ATP10B: variants seen among roughly 807,000 people sequenced by gnomAD.
ATP10B encodes ATPase phospholipid transporting 10B (putative).
Under a neutral mutation model 141.2 loss-of-function variants are expected in ATP10B, and 122 were observed. The observed-to-expected ratio is 0.86, with a 90% CI of 0.75 to 1.00. ATP10B has a LOEUF of 1.00. ATP10B is among the 50% of genes least tolerant of loss of function. The pLI, the probability that ATP10B is intolerant of heterozygous loss-of-function variation, is 0.00. For synonymous variants in ATP10B, 685 were observed against 692.0 expected, an observed-to-expected ratio of 0.99 and a Z score of 0.16; for missense variants, 1,876 against 1,825.3, an observed-to-expected ratio of 1.03 and a Z score of -0.51.
chr5:160,758,157 C>A (rs7716002), intron 2 of ATP10B, among the ~76,000 whole-genome samples: 13,972 of 152,082 alleles, frequency 0.092, 1,062 homozygotes, highest in East Asian at 0.32. Flanking sequence ...AGTGAATTTT[C>A]TATTTTTATA....
chr5:160,633,990 G>A, intron 12 of ATP10B: 1 of 375,532 alleles, frequency 2.7e-6, no homozygotes, highest in South Asian at 2.2e-5. Flanking sequence ...CAGGTAAGGT[G>A]GCCTGAGAAA....
rs1041888193 is a variant in ATP10B at position 160,592,551 on chromosome 5, A to G, written c.3565-1412T>C. ...CGGGTTCATCTCACTAGGGAGTGCC[A>G]GACAGTGGGCACAGGACAGTGGGTG... On this transcript the variant is annotated intron_variant, in intron 22 of 25. Transcript: ENST00000327245. 6.6e-5 allele frequency among the ~76,000 whole-genome samples: 10 copies of G among 152,232 alleles called. No homozygotes were observed. The East Asian group carries it at 1.7e-3, about 26-fold the overall frequency.
chr5:160,929,146 C>T, the ATP10B span, among the ~76,000 whole-genome samples: 1 of 152,176 alleles, frequency 6.6e-6, no homozygotes, highest in Admixed American at 6.5e-5. Context: ...AGCATCCCTG[C>T]CCCAGGCTGG....
chr5:160,775,212 C>G (rs534219761), intron 2 of ATP10B, among the ~76,000 whole-genome samples: 1 of 152,344 alleles, frequency 6.6e-6, no homozygotes, highest in African/African-American at 2.4e-5. Context: ...GCAGCCAAGT[C>G]AAACTCTATT....
At chr5:160,790,519 A>G (rs943831681) in intron 1 of ATP10B, among the ~76,000 whole-genome samples, 2 of 152,174 alleles carry the variant, frequency 1.3e-5, no homozygotes, top group Admixed American at 6.5e-5. Context: ...CTCCCAAGAT[A>G]TATGAGGTAT....
In ATP10B at chr5:160,569,212, T is replaced by A. The variant is rs41358144; in HGVS notation, c.3938+284A>T. ...ATAATTCCTTACTACACAAAAAATT[T>A]GTAAGGCAGGAGGGTAGGAATTGAT... is the stretch of plus-strand genomic sequence containing the variant. On this transcript the variant is annotated intron_variant, in intron 25 of 25. Transcript: ENST00000327245. Among the ~76,000 whole-genome samples, 1,439 of 152,282 alleles carry A rather than the reference T, an allele frequency of 9.4e-3. 18 individuals carry two copies. Among genetic ancestry groups the A allele is most frequent in the African/African-American group, 0.033 (1,359 of 41,546 alleles).
intron 6 of ATP10B, among the ~76,000 whole-genome samples, chr5:160,685,818 G>T (rs1763715350): frequency 6.6e-6 from 1 of 152,060 alleles, no homozygotes; most frequent in South Asian, 2.1e-4. Context: ...GTGGTGTCCT[G>T]TGTATCGTAG....
chr5:160,708,392 G>A lies in ATP10B; in HGVS notation c.-205+8517C>T, dbSNP rs150737819. 8.5e-5 allele frequency among the ~76,000 whole-genome samples: 13 copies of A among 152,300 alleles called. No individual in the cohort carries two copies. In the East Asian group the frequency reaches 2.5e-3, roughly 29 times the overall value. ...CCAAGGAGATAACACCCCATCTAGT[G>A]AGTGGATAATTAATTTCAATTTTCT... On this transcript the variant is annotated intron_variant, in intron 3 of 25. Coordinates refer to ENST00000327245, the MANE Select transcript of ATP10B (RefSeq NM_025153.3).
intron 1 of ATP10B, among the ~76,000 whole-genome samples, chr5:160,851,247 T>C (rs561455828): frequency 8.5e-5 from 13 of 152,124 alleles, no homozygotes; most frequent in Non-Finnish European, 1.6e-4. Context: ...AGCAGCTCAG[T>C]ATAATTTTTA....
At chr5:160,721,477 G>C (rs1322802921) in intron 2 of ATP10B, among the ~76,000 whole-genome samples, 1 of 152,184 alleles carries the variant, frequency 6.6e-6, no homozygotes, top group African/African-American at 2.4e-5. Context: ...AAGATTTCCA[G>C]TGAAGCTTCT....
chr5:160,723,777 C>G (rs1766135062), intron 2 of ATP10B, among the ~76,000 whole-genome samples: 1 of 152,164 alleles, frequency 6.6e-6, no homozygotes, highest in Non-Finnish European at 1.5e-5. Context: ...ACTATATCTC[C>G]TACCTGATTG....
chr5:160,787,081 T>C (rs1771206238), intron 1 of ATP10B, among the ~76,000 whole-genome samples: 1 of 148,114 alleles, frequency 6.8e-6, no homozygotes, highest in Non-Finnish European at 1.5e-5. Context: ...GCCCAAATCC[T>C]GCTCCTTGAA....
chr5:160,743,256 C>T (rs920069335), intron 2 of ATP10B, among the ~76,000 whole-genome samples: 1 of 152,196 alleles, frequency 6.6e-6, no homozygotes, highest in African/African-American at 2.4e-5. Context: ...GCAGTTTCAA[C>T]TCTTAACCCA....
intron 1 of ATP10B, among the ~76,000 whole-genome samples, chr5:160,847,416 G>C (rs1449767110): frequency 1.3e-5 from 2 of 152,142 alleles, no homozygotes; most frequent in African/African-American, 2.4e-5. Context: ...TTTTATAACA[G>C]TACAGCCTTG....
At chr5:160,907,325 G>A in the ATP10B span, among the ~76,000 whole-genome samples, 1 of 151,734 alleles carries the variant, frequency 6.6e-6, no homozygotes, top group Non-Finnish European at 1.5e-5. Context: ...TTATTGAATA[G>A]TTTCTGTCTG....
intron 2 of ATP10B, among the ~76,000 whole-genome samples, chr5:160,743,416 C>G (rs1561808401): frequency 6.6e-6 from 1 of 152,192 alleles, no homozygotes; most frequent in Non-Finnish European, 1.5e-5. Context: ...GTGAGCTACA[C>G]TGTCTCAGCC....
chr5:160,778,483 T>A (rs1770493076), intron 2 of ATP10B, among the ~76,000 whole-genome samples: 1 of 152,120 alleles, frequency 6.6e-6, no homozygotes, highest in Non-Finnish European at 1.5e-5. Flanking sequence ...GAAAGTCAGT[T>A]TTCCCCCTCT....
chr5:160,775,375 G>T (rs1370696224), intron 2 of ATP10B, among the ~76,000 whole-genome samples: 1 of 152,200 alleles, frequency 6.6e-6, no homozygotes, highest in Non-Finnish European at 1.5e-5. Flanking sequence ...GATAGTGCCT[G>T]CTTTCTTTGC....
rs145358771 is a variant in ATP10B, at chr5:160,744,738, A to G, written c.-330-27704T>C. ...GACAGATTAGCTGAGACTGAAGTACAATGACAGGTCTTTGTAACTGTCTAT... is the reference window on the plus strand; with the variant it reads ...GACAGATTAGCTGAGACTGAAGTACGATGACAGGTCTTTGTAACTGTCTAT... On this transcript the variant is annotated intron_variant, in intron 2 of 25. Transcript: ENST00000327245. 1.6e-4 allele frequency among the ~76,000 whole-genome samples: 24 copies of G among 152,332 alleles called. No individual in the cohort carries two copies. In the East Asian group the frequency reaches 3.9e-3, roughly 24 times the overall value.
Sources: allele counts gnomAD v4.1 joint callset (sites outside exome capture counted in the v4.1 genomes callset), GRCh38; gene constraint gnomAD v4.1.1; transcripts MANE v1.5; gene names NCBI Gene and HGNC (gene_info 2026-07-23, HGNC 2026-07-21).